SLC8A1: variants seen among roughly 807,000 people sequenced by gnomAD.
SLC8A1 encodes the protein solute carrier family 8 member A1.
A neutral mutation model predicts 68.3 loss-of-function variants in SLC8A1; 18 were observed. That is an observed-to-expected ratio of 0.26 (90% confidence interval 0.18 to 0.39). The LOEUF (loss-of-function observed/expected upper bound fraction) is 0.39. Ranked by LOEUF, SLC8A1 falls within the 10% of genes least tolerant of loss-of-function variation. SLC8A1 has a pLI of 1.00. For missense variants in SLC8A1, 985 were observed against 1,156.7 expected (o/e 0.85, Z 2.15); for synonymous variants, 475 against 415.5 (o/e 1.14, Z -1.74).
Position 40,144,673 on chromosome 2 carries a change from C to A in SLC8A1, c.2162-4997G>T, listed in dbSNP as rs550363542. On this transcript the variant is annotated intron_variant, in intron 6 of 7. Coordinates refer to ENST00000406785, the Ensembl canonical transcript of SLC8A1. ...TGGGTTGTTTATTTCTTTGGCAGAG[C>A]CAGCCATAAGCTCTTTCTCAGACCC... 7.2e-5 allele frequency among the ~76,000 whole-genome samples: 11 copies of A among 151,864 alleles called. No individual in the cohort carries two copies. The South Asian group carries it at 1.7e-3, about 23-fold the overall frequency.
chr2:40,187,365 A>C (rs1028556017), intron 2 of SLC8A1, among the ~76,000 whole-genome samples: 1 of 152,184 alleles, frequency 6.6e-6, no homozygotes, highest in Admixed American at 6.5e-5. Flanking sequence ...TAGCTAAACC[A>C]AAGTAATTCT....
At chr2:40,372,058 AAAG>A (rs1291226125) in intron 2 of SLC8A1, among the ~76,000 whole-genome samples, 2 of 152,158 alleles carry the variant, frequency 1.3e-5, no homozygotes, top group Non-Finnish European at 2.9e-5. Flanking sequence ...AAGGATTTGA[AAAG>A]AAGAAAATTA....
chr2:40,293,366 C>T (rs1313699941), intron 2 of SLC8A1, among the ~76,000 whole-genome samples: 1 of 152,022 alleles, frequency 6.6e-6, no homozygotes, highest in Non-Finnish European at 1.5e-5. Context: ...ATGAAGACTG[C>T]AAAAAATTGA....
rs192227441 is a variant in SLC8A1 at position 40,277,876 on chromosome 2, G to T, written c.1809-100021C>A. On this transcript the variant is annotated intron_variant, in intron 2 of 7. Transcript: ENST00000406785. ...ACTATGTGCAGGGCACTGTCCTAAG[G>T]ATATAAAAGCTTTACATCTAAAATG... Among the ~76,000 whole-genome samples, 483 of 143,048 alleles carry T rather than the reference G, an allele frequency of 3.4e-3. 4 individuals are homozygous for T. Among genetic ancestry groups the T allele is most frequent in the African/African-American group, 0.011 (444 of 38,854 alleles). 93.8% of individuals were successfully genotyped at this position (143,048 alleles called of 152,430 possible). A position where few individuals can be genotyped will look rare whatever the true frequency, so the allele number is the denominator to read the frequency against.
chr2:40,279,299 C>T (rs1410998385), intron 2 of SLC8A1, among the ~76,000 whole-genome samples: 1 of 152,162 alleles, frequency 6.6e-6, no homozygotes, highest in African/African-American at 2.4e-5. Flanking sequence ...AGCATTCAAG[C>T]AGGCACAGGG....
intron 5 of SLC8A1, among the ~76,000 whole-genome samples, chr2:40,164,579 G>A (rs1437758482): frequency 6.6e-6 from 1 of 152,124 alleles, no homozygotes; most frequent in African/African-American, 2.4e-5. Flanking sequence ...CTGCCCCTCA[G>A]ATTAAACCTT....
At chr2:40,245,819 C>G (rs1425710213) in intron 2 of SLC8A1, among the ~76,000 whole-genome samples, 1 of 152,066 alleles carries the variant, frequency 6.6e-6, no homozygotes, top group East Asian at 1.9e-4. Flanking sequence ...ACAATTAAAT[C>G]TCGTAGAATG....
chr2:40,285,240 A>G (rs1203171541), intron 2 of SLC8A1, among the ~76,000 whole-genome samples: 1 of 152,160 alleles, frequency 6.6e-6, no homozygotes, highest in Non-Finnish European at 1.5e-5. Flanking sequence ...GGCTGATTCC[A>G]AAGCCTTTAT....
In SLC8A1 at chr2:40,486,007, G is replaced by A. The variant is rs969712; in HGVS notation, c.-25+26342C>T. On this transcript the variant is annotated intron_variant, in intron 1 of 7. Coordinates refer to the SLC8A1 transcript ENST00000402441. ...TTGAATTGTAGTTCTCATAATGGCC[G>A]CATGTTGTGGGAAGGACACAGTGGG... Among the ~76,000 whole-genome samples, 1,146 of 152,258 alleles carry A rather than the reference G, an allele frequency of 7.5e-3. 54 individuals are homozygous for A. Among genetic ancestry groups the A allele is most frequent in the Admixed American group, 0.068 (1,040 of 15,298 alleles).
chr2:40,109,947 C>T (rs2034459803), exon 8 of SLC8A1: 1 of 152,144 alleles, frequency 6.6e-6, no homozygotes, highest in Non-Finnish European at 1.5e-5. Flanking sequence ...TACAGTAATG[C>T]TCTTTCCTAA....
At chr2:40,295,755 T>C (rs1273826313) in intron 2 of SLC8A1, among the ~76,000 whole-genome samples, 4 of 152,266 alleles carry the variant, frequency 2.6e-5, no homozygotes, top group African/African-American at 9.6e-5. Context: ...ATAAAGGAAA[T>C]ATATTTAACA....
chr2:40,387,388 A>C lies in SLC8A1; in HGVS notation c.1808+41085T>G, dbSNP rs560112052. On this transcript the variant is annotated intron_variant, in intron 2 of 7. Transcript: ENST00000406785. ...ATTCACACAGGGGTAGGATGGGAAGATACAAGCTTTTAATGAACTGGCTAA... is the reference window on the plus strand; with the variant it reads ...ATTCACACAGGGGTAGGATGGGAAGCTACAAGCTTTTAATGAACTGGCTAA... 2.6e-5 allele frequency among the ~76,000 whole-genome samples: 4 copies of C among 151,540 alleles called. No homozygotes were observed. In the East Asian group the frequency reaches 7.8e-4, roughly 29 times the overall value.
intron 2 of SLC8A1, among the ~76,000 whole-genome samples, chr2:40,317,367 A>C (rs1245832785): frequency 2.6e-5 from 4 of 152,088 alleles, no homozygotes; most frequent in Non-Finnish European, 5.9e-5. Flanking sequence ...ATTAGGGAAA[A>C]TAGTTGTTTT....
intron 2 of SLC8A1, among the ~76,000 whole-genome samples, chr2:40,345,457 C>T (rs1399670768): frequency 6.6e-6 from 1 of 151,678 alleles, no homozygotes; most frequent in Non-Finnish European, 1.5e-5. Flanking sequence ...AGAAGATTGT[C>T]AGAACAAAAA....
At chr2:40,467,171 A>G (rs1219015440) in intron 1 of SLC8A1, among the ~76,000 whole-genome samples, 1 of 152,146 alleles carries the variant, frequency 6.6e-6, no homozygotes, top group Non-Finnish European at 1.5e-5. Flanking sequence ...GATGCCACTT[A>G]GCATATGGAT....
At chr2:40,277,401 G>A (rs192294524) in intron 2 of SLC8A1, among the ~76,000 whole-genome samples, 2,339 of 152,084 alleles carry the variant, frequency 0.015, 42 homozygotes, top group African/African-American at 0.046. Flanking sequence ...TTAGCCAGGC[G>A]TGGTGGTGGG....
intron 1 of SLC8A1, among the ~76,000 whole-genome samples, chr2:40,508,324 T>C (rs1706496766): frequency 6.6e-6 from 1 of 151,390 alleles, no homozygotes; most frequent in Admixed American, 6.6e-5. Context: ...GTTTAGGAAG[T>C]TCTCGACACT....
chr2:40,315,433 T>C (rs1229584712), intron 2 of SLC8A1, among the ~76,000 whole-genome samples: 2 of 146,070 alleles, frequency 1.4e-5, no homozygotes, highest in African/African-American at 2.5e-5. Flanking sequence ...TTTTCTTTCC[T>C]AAGAATTTTT....
intron 1 of SLC8A1, among the ~76,000 whole-genome samples, chr2:40,495,400 G>A (rs114386028): frequency 6.6e-6 from 1 of 152,044 alleles, no homozygotes; most frequent in Non-Finnish European, 1.5e-5. Flanking sequence ...GGAGGAAAGC[G>A]AAGGATCCGA....
Sources: gnomAD v4.1 joint callset for allele counts (sites outside exome capture counted in the v4.1 genomes callset) on GRCh38, gnomAD v4.1.1 for gene constraint, MANE v1.5 for transcripts, NCBI Gene and HGNC (gene_info 2026-07-23, HGNC 2026-07-21) for gene names.